The following ACLY variants were observed in gnomAD, a reference collection of about 807,000 sequenced individuals.
ACLY encodes ATP citrate lyase, also known as ATP-citrate synthase.
Under a neutral mutation model 133.0 loss-of-function variants are expected in ACLY, and 41 were observed. The observed-to-expected ratio is 0.31, with a 90% confidence interval of 0.24 to 0.40. The LOEUF is 0.40. ACLY is among the 10% of genes least tolerant of loss of function. The pLI is 1.00. For missense variants in ACLY, 1,046 were observed against 1,453.8 expected (o/e 0.72, Z 4.56); for synonymous variants, 495 against 549.3 (o/e 0.90, Z 1.38).
chr17:41,877,581 G>A (rs1425588010), intron 22 of ACLY, among the ~76,000 whole-genome samples: 1 of 151,888 alleles, frequency 6.6e-6, no homozygotes, highest in African/African-American at 2.4e-5. Context: ...CTCCAAAAGT[G>A]TCAACTTGAC....
rs782736764 is a variant in ACLY at position 41,906,598 on chromosome 17, G to C, written c.796C>G (p.Leu266Val). 5 of 1,614,112 alleles carry C rather than the reference G, an allele frequency of 3.1e-6. No homozygotes were observed. In the East Asian group the frequency reaches 8.9e-5, roughly 29 times the overall value. The part of the protein sequence containing the change: ...LDAKSGASLK[L>V]TLLNPKGRIW... ...CTCCCTTTGGGGTTCAGCAAGGTCA[G>C]CTTCAGGCTTGCCCCACTTTTGGCA... The change falls in exon 8 of 29, where the codon CTG (leucine) becomes GTG (valine). Residue 266 changes from leucine to valine, a missense_variant. Coordinates refer to ENST00000352035, the MANE Select transcript of ACLY (RefSeq NM_001096.3).
intron 1 of ACLY, among the ~76,000 whole-genome samples, chr17:41,926,633 T>A (rs1598059571): frequency 6.9e-6 from 1 of 145,156 alleles, no homozygotes; most frequent in African/African-American, 2.6e-5. Flanking sequence ...GGATTACAGG[T>A]GCCTGCCACC....
intron 11 of ACLY, among the ~76,000 whole-genome samples, chr17:41,901,098 G>C (rs576219885): frequency 6.6e-6 from 1 of 151,806 alleles, no homozygotes; most frequent in Non-Finnish European, 1.5e-5. Context: ...GGGACTACAG[G>C]TGTGTACCAC....
At chr17:41,893,802 C>T (rs1285347243) in intron 14 of ACLY, among the ~76,000 whole-genome samples, 1 of 152,206 alleles carries the variant, frequency 6.6e-6, no homozygotes, top group Non-Finnish European at 1.5e-5. Context: ...AAGCTAGTTA[C>T]ACAGGGCCAG....
At chr17:41,886,385 T>G (rs1368671705) in intron 17 of ACLY, 77 bp from the exon 18 acceptor site, 2 of 1,421,700 alleles carry the variant, frequency 1.4e-6, no homozygotes, top group Non-Finnish European at 1.9e-6. Context: ...GCCCCTGCAT[T>G]ACTGCCCAGC....
At chr17:41,918,817 C>T in intron 1 of ACLY, 63 bp downstream of exon 1, 2 of 1,266,618 alleles carry the variant, frequency 1.6e-6, no homozygotes, top group Non-Finnish European at 2.0e-6. Context: ...GGTTGGGGGA[C>T]GGAGGCAGGA....
At chr17:41,923,417 A>G (rs2144457461), upstream of ACLY, among the ~76,000 whole-genome samples, 1 of 152,334 alleles carries the variant, frequency 6.6e-6, no homozygotes, top group Middle Eastern at 3.4e-3. Context: ...TGTGAAAGGC[A>G]TACTACTCAC....
At chr17:41,883,347 C>G in intron 19 of ACLY, 115 bp from the exon 20 acceptor site, 1 of 771,396 alleles carries the variant, frequency 1.3e-6, no homozygotes, top group Non-Finnish European at 2.1e-6. Flanking sequence ...AGTTTAATTT[C>G]AGCCTGGACA....
chr17:41,926,645 T>C (rs1195560920), intron 1 of ACLY, among the ~76,000 whole-genome samples: 2 of 149,364 alleles, frequency 1.3e-5, no homozygotes, highest in African/African-American at 2.5e-5. Flanking sequence ...CCTGCCACCA[T>C]GTCCGGCTAA....
chr17:41,878,550 C>T (rs2048821760), intron 21 of ACLY, among the ~76,000 whole-genome samples: 1 of 152,112 alleles, frequency 6.6e-6, no homozygotes, highest in African/African-American at 2.4e-5. Context: ...TGGCTGCCAC[C>T]TCCCAGCCAA....
At position 41,879,413 on chromosome 17, in the gene ACLY, CTT is replaced by C. The variant is rs1190398954; in HGVS notation, c.2266-491_2266-490del. ...GAGCCACCACGCCTGCCCCCCCCGC[CTT>C]TTTTTTTTTTTTTTTTTTAAGTGAC... On this transcript the variant is annotated intron_variant, in intron 20 of 28. Coordinates refer to ENST00000352035, the MANE Select transcript of ACLY (RefSeq NM_001096.3). Among the ~76,000 whole-genome samples, 111 of 128,812 alleles carry C rather than the reference CTT, an allele frequency of 8.6e-4. 1 individual carries two copies. The highest frequency in any genetic ancestry group is 2.9e-3 in the African/African-American group (102 of 35,420). The allele number at this position is 128,812 out of a possible 152,430, so 84.5% of individuals were successfully genotyped here.
chr17:41,867,899 A>G lies in ACLY; in HGVS notation c.3217T>C (p.Tyr1073His). The G allele has an allele frequency of 6.2e-7, 1 of 1,609,182 alleles. No homozygotes were observed. Among genetic ancestry groups the G allele is most frequent in the Non-Finnish European group, 8.5e-7 (1 of 1,177,424 alleles). Residue 1073 changes from tyrosine (Y) to histidine (H), a missense_variant, in exon 29 of 29, where the codon TAT becomes CAT. Tyr to His is a moderately conservative substitution (Grantham distance 83, BLOSUM62 2). Transcript: ENST00000352035. Reference sequence around the variant, plus strand: ...TGCTTCAGCCTCTTCTGATCAAGATAGTGTCCTAAAATGAAGCAAACACAT... The same window carrying G: ...TGCTTCAGCCTCTTCTGATCAAGATGGTGTCCTAAAATGAAGCAAACACAT... ...LGRSMGFIGH[Y>H]LDQKRLKQGL...
chr17:41,868,884 T>TG lies in ACLY; in HGVS notation c.3135-100dup, dbSNP rs2048530773. ...TGCCCAAGAATGAGAAGAAAAGGGG[T>TG]GCTCTGGGTGGTAGCATTACAGGCA... On this transcript the variant is annotated intron_variant, in intron 27 of 28. Transcript: ENST00000352035. 7.9e-6 allele frequency: 11 copies of TG among 1,392,256 alleles called. No homozygotes were observed. The South Asian group carries it at 1.1e-4, about 14-fold the overall frequency. The allele number at this position is 1,392,256 out of a possible 1,614,324, so 86.2% of individuals were successfully genotyped here.
At chr17:41,874,067 G>A in intron 22 of ACLY, 102 bp from the exon 23 acceptor site, 1 of 1,241,882 alleles carries the variant, frequency 8.1e-7, no homozygotes, top group Non-Finnish European at 1.1e-6. Context: ...AGCACCCCAG[G>A]AATGTCGTAA....
At chr17:41,901,850 C>G (rs1555631689) in intron 10 of ACLY, 37 bp from the exon 11 acceptor site, 2 of 1,454,860 alleles carry the variant, frequency 1.4e-6, no homozygotes, top group African/African-American at 2.8e-5. Context: ...AAAAACAAGG[C>G]AGCCACAAGT....
intron 22 of ACLY, 38 bp from the exon 23 acceptor site, chr17:41,874,003 T>C (rs1555625570): frequency 6.4e-7 from 1 of 1,551,252 alleles, no homozygotes; most frequent in African/African-American, 1.4e-5. Flanking sequence ...AGGGCCCTGG[T>C]GACCACCACA....
At chr17:41,883,582 CTTTTT>C (rs139989311) in intron 19 of ACLY, among the ~76,000 whole-genome samples, 13 of 88,904 alleles carry the variant, frequency 1.5e-4, no homozygotes, top group Non-Finnish European at 2.4e-4. Context: ...TTTTTTTTTG[CTTTTT>C]TTTTTTTTTT....
At chr17:41,913,676 G>C (rs377574300) in intron 2 of ACLY, 39 bp downstream of exon 2, 2 of 1,604,780 alleles carry the variant, frequency 1.2e-6, no homozygotes, top group Non-Finnish European at 1.7e-6. Context: ...CTCAGACCCC[G>C]GGCCTGGAAG....
At chr17:41,919,284 C>G (rs192452457), upstream of ACLY, among the ~76,000 whole-genome samples, 1 of 136,616 alleles carries the variant, frequency 7.3e-6, no homozygotes, top group Admixed American at 8.4e-5. Context: ...AGGGGCTGGA[C>G]AGATTGCCAC....
Sources: allele counts gnomAD v4.1 joint callset (sites outside exome capture counted in the v4.1 genomes callset), GRCh38; gene constraint gnomAD v4.1.1; transcripts MANE v1.5; gene names NCBI Gene and HGNC (gene_info 2026-07-23, HGNC 2026-07-21).